VWC2: variants seen among roughly 807,000 people sequenced by gnomAD.
VWC2 encodes von Willebrand factor C domain containing 2.
Under a neutral mutation model 29.8 loss-of-function variants are expected in VWC2, and 14 were observed. The ratio of observed to expected loss-of-function variants is 0.47; its 90% CI spans 0.31 to 0.74. The LOEUF is 0.74. Ranked by LOEUF, VWC2 falls within the 30% of genes least tolerant of loss-of-function variation. VWC2 has a pLI of 0.05. For synonymous variants in VWC2, 213 were observed against 199.0 expected, an observed-to-expected ratio of 1.07 and a Z score of -0.59; for missense variants, 457 against 459.8, an observed-to-expected ratio of 0.99 and a Z score of 0.05.
At chr7:49,801,810 AAG>A (rs1287552250) in intron 2 of VWC2, among the ~76,000 whole-genome samples, 2 of 152,242 alleles carry the variant, frequency 1.3e-5, no homozygotes, top group African/African-American at 4.8e-5. Flanking sequence ...TGTTAGTACA[AAG>A]GGTCAGTAAT....
intron 2 of VWC2, among the ~76,000 whole-genome samples, chr7:49,779,038 G>GGAGAGA (rs58968931): frequency 1.0e-4 from 15 of 149,852 alleles, no homozygotes; most frequent in African/African-American, 2.5e-4. Flanking sequence ...TTCCAGAGAG[G>GGAGAGA]GAGAGAGAGA....
At chr7:49,818,729 T>G (rs533396777) in intron 3 of VWC2, among the ~76,000 whole-genome samples, 1 of 150,982 alleles carries the variant, frequency 6.6e-6, no homozygotes, top group African/African-American at 2.4e-5. Flanking sequence ...TAAAAATATA[T>G]ATATATGTAT....
rs1356244336 is a variant in VWC2 at position 49,917,164 on chromosome 7, A to C, written c.*4979A>C. On this transcript the variant is annotated 3_prime_UTR_variant, in exon 4 of 4. Transcript: ENST00000340652. ...TATCTAGTGAACTGATACAATAATG[A>C]GCTGAGTCATTTGTACAGAAATATA... The C allele has an allele frequency of 1.3e-5, 2 of 152,178 alleles. No individual in the cohort carries two copies. The highest frequency in any genetic ancestry group is 2.9e-5 in the Non-Finnish European group (2 of 68,024). 9.4% of individuals were successfully genotyped at this position (152,178 alleles called of 1,614,324 possible).
chr7:49,851,101 C>T (rs1401514958), intron 3 of VWC2, among the ~76,000 whole-genome samples: 1 of 152,214 alleles, frequency 6.6e-6, no homozygotes, highest in Non-Finnish European at 1.5e-5. Flanking sequence ...TTACATGCCT[C>T]TCTCCTGGCT....
In VWC2 at chr7:49,921,613, T is replaced by A. The variant is rs1303890432; in HGVS notation, c.*9428T>A. The A allele has an allele frequency of 6.6e-6, 1 of 152,182 alleles. No homozygotes were observed. The highest frequency in any genetic ancestry group is 1.5e-5 in the Non-Finnish European group (1 of 68,032). The allele number at this position is 152,182 out of a possible 1,614,324, so 9.4% of individuals were successfully genotyped here. A position where few individuals can be genotyped will look rare whatever the true frequency, so the allele number is the denominator to read the frequency against. ...AATGAGTGAATATTTGTAAAACACGTAGCCTAGAATAGATATTTATAAAGC... is the reference window on the plus strand; with the variant it reads ...AATGAGTGAATATTTGTAAAACACGAAGCCTAGAATAGATATTTATAAAGC... On this transcript the variant is annotated 3_prime_UTR_variant, in exon 4 of 4. Transcript: ENST00000340652.
rs1389598750 is a variant in VWC2, at chr7:49,920,880, T to G, written c.*8695T>G. 1 of 152,228 alleles carries G rather than the reference T, an allele frequency of 6.6e-6. No individual in the cohort carries two copies. Among genetic ancestry groups the G allele is most frequent in the East Asian group, 1.9e-4 (1 of 5,208 alleles). 9.4% of individuals were successfully genotyped at this position (152,228 alleles called of 1,614,324 possible). The stretch of plus-strand genomic sequence containing the variant: ...AAAATTATAGCTTTTTGTCTTCATT[T>G]CTAATAGACTGTTATAGGGGAAATG... On this transcript the variant is annotated 3_prime_UTR_variant, in exon 4 of 4. Coordinates refer to ENST00000340652, the MANE Select transcript of VWC2 (RefSeq NM_198570.5).
intron 3 of VWC2, among the ~76,000 whole-genome samples, chr7:49,838,906 G>A (rs907506759): frequency 1.5e-4 from 23 of 152,242 alleles, no homozygotes; most frequent in Admixed American, 3.9e-4. Flanking sequence ...GAACTGAATT[G>A]TGTCCTCCTA....
rs1183668749 is a variant in VWC2 at position 49,802,828 on chromosome 7, A to G, written c.814A>G (p.Ile272Val). The G allele has an allele frequency of 6.2e-7, 1 of 1,614,140 alleles. No individual in the cohort carries two copies. Among genetic ancestry groups the G allele is most frequent in the Non-Finnish European group, 8.5e-7 (1 of 1,179,980 alleles). Residue 272 changes from isoleucine to valine, a missense_variant, in exon 3 of 4, where the codon ATC becomes GTC. Transcript: ENST00000340652. ...PVYEPDQCCP[I>V]CKNGPNCFAE... is the part of the protein sequence containing the mutation. Reference sequence around the variant, plus strand: ...GTACGAGCCTGATCAGTGCTGTCCCATCTGCAAAAATGGTATGTGAGATCC... The same window carrying G: ...GTACGAGCCTGATCAGTGCTGTCCCGTCTGCAAAAATGGTATGTGAGATCC...
At chr7:49,868,158 G>A (rs570589654) in intron 3 of VWC2, among the ~76,000 whole-genome samples, 115 of 152,190 alleles carry the variant, frequency 7.6e-4, no homozygotes, top group African/African-American at 2.6e-3. Flanking sequence ...TATAAGTGAG[G>A]AAAACCCAAG....
chr7:49,808,927 AG>A (rs1788935235), intron 3 of VWC2, among the ~76,000 whole-genome samples: 1 of 152,006 alleles, frequency 6.6e-6, no homozygotes. Context: ...ATCTCTGAAA[AG>A]TAGAAAGGCC....
intron 3 of VWC2, among the ~76,000 whole-genome samples, chr7:49,867,617 A>T (rs145934186): frequency 6.6e-6 from 1 of 152,298 alleles, no homozygotes; most frequent in East Asian, 1.9e-4. Context: ...CACAGGAGAC[A>T]TCTGAGGCAT....
At chr7:49,901,477 ATACT>A (rs1792720362) in intron 3 of VWC2, among the ~76,000 whole-genome samples, 1 of 151,892 alleles carries the variant, frequency 6.6e-6, no homozygotes, top group Non-Finnish European at 1.5e-5. Flanking sequence ...CCAAAAAGAA[ATACT>A]TAGGTATAAA....
At chr7:49,826,505 A>G (rs1789394916) in intron 3 of VWC2, among the ~76,000 whole-genome samples, 1 of 152,224 alleles carries the variant, frequency 6.6e-6, no homozygotes, top group Non-Finnish European at 1.5e-5. Flanking sequence ...TAACTATAGC[A>G]TTGCAGATGA....
chr7:49,848,400 A>G (rs1790043456), intron 3 of VWC2, among the ~76,000 whole-genome samples: 1 of 152,186 alleles, frequency 6.6e-6, no homozygotes. Context: ...AGTGTGTGAG[A>G]GCCGGGCATG....
rs1045412776 is a variant in VWC2 at position 49,887,940 on chromosome 7, G to A, written c.827-24094G>A. Among the ~76,000 whole-genome samples, 4 of 152,124 alleles carry A rather than the reference G, an allele frequency of 2.6e-5. No individual in the cohort carries two copies. In the South Asian group the frequency reaches 6.2e-4, roughly 24 times the overall value. ...TTCTCCAATCTATGTTTATTCATTC[G>A]CTTATTTACATTTGTGTATCTGTAG... On this transcript the variant is annotated intron_variant, in intron 3 of 3. Transcript: ENST00000340652.
intron 3 of VWC2, among the ~76,000 whole-genome samples, chr7:49,841,874 T>G (rs1789801115): frequency 1.3e-5 from 2 of 149,902 alleles, no homozygotes; most frequent in Non-Finnish European, 3.0e-5. Flanking sequence ...ATTCAACTCT[T>G]TTTTTTTTTA....
At chr7:49,872,763 A>AAC (rs1292127676) in intron 3 of VWC2, among the ~76,000 whole-genome samples, 9 of 150,186 alleles carry the variant, frequency 6.0e-5, no homozygotes, top group Non-Finnish European at 1.3e-4. Flanking sequence ...AAAAAAAAAA[A>AAC]AAATTAGTCC....
At chr7:49,846,801 A>T (rs919045216) in intron 3 of VWC2, among the ~76,000 whole-genome samples, 3 of 152,196 alleles carry the variant, frequency 2.0e-5, no homozygotes, top group African/African-American at 7.2e-5. Context: ...TCCTTTATAC[A>T]TATGTAAATT....
rs775371034 is a variant in VWC2, at chr7:49,912,154, T to C, written c.947T>C (p.Met316Thr). Residue 316 changes from methionine to threonine, a missense_variant, in exon 4 of 4, where the codon ATG (methionine) becomes ACG (threonine). By Grantham distance (81) the Met-to-Thr change is moderately conservative. Around this residue, in one of 2 missense-constraint regions of VWC2, gnomAD observed 185 missense variants for 257.1 expected, o/e 0.72. Coordinates refer to ENST00000340652, the MANE Select transcript of VWC2 (RefSeq NM_198570.5). ...EGTWRIERQA[M>T]CTRHECRQM ...ACATGGAGAATCGAGCGGCAGGCCA[T>C]GTGCACGAGACATGAATGCAGGCAA... The C allele has an allele frequency of 3.7e-6, 6 of 1,613,906 alleles. No homozygotes were observed. The Admixed American group carries it at 6.7e-5, about 18-fold the overall frequency.
Sources: allele counts gnomAD v4.1 joint callset (sites outside exome capture counted in the v4.1 genomes callset), GRCh38; gene constraint gnomAD v4.1.1; regional missense constraint gnomAD v4.1.1; transcripts MANE v1.5; gene names NCBI Gene and HGNC (gene_info 2026-07-23, HGNC 2026-07-21).